Variants in TYW1B observed in about 807,000 individuals in gnomAD.
TYW1B encodes S-adenosyl-L-methionine-dependent tRNA 4-demethylwyosine synthase TYW1B.
In TYW1B, 73 loss-of-function variants were observed where a neutral mutation model predicts 86.9. The observed-to-expected ratio is 0.84, with a 90% CI of 0.70 to 1.02. The LOEUF (loss-of-function observed/expected upper bound fraction) is 1.02, where lower values mean the gene tolerates loss of function less well. TYW1B is among the 50% of genes least tolerant of loss of function. The pLI is 0.00. For missense variants in TYW1B, 637 were observed against 827.4 expected (o/e 0.77, Z 2.82); for synonymous variants, 248 against 292.8 (o/e 0.85, Z 1.56).
intron 8 of TYW1B, among the ~76,000 whole-genome samples, chr7:72,733,774 T>C (rs1160065427): frequency 2.0e-5 from 3 of 152,108 alleles, no homozygotes; most frequent in Non-Finnish European, 4.4e-5. Context: ...GAAGAATAAA[T>C]ATAGTTAAAG....
intron 8 of TYW1B, among the ~76,000 whole-genome samples, chr7:72,735,966 T>C (rs1417912766): frequency 6.6e-6 from 1 of 152,148 alleles, no homozygotes; most frequent in Non-Finnish European, 1.5e-5. Context: ...TTGTTAGAAA[T>C]GCTTGCTCCC....
At chr7:72,731,405 A>AC (rs1186644171) in intron 8 of TYW1B, among the ~76,000 whole-genome samples, 1 of 150,450 alleles carries the variant, frequency 6.6e-6, no homozygotes, top group Admixed American at 6.6e-5. Flanking sequence ...AAAAAAAAAA[A>AC]AAAAAAAAAA....
rs574970301 is a variant in TYW1B, at chr7:72,796,916, G to A, written c.846+5484C>T. Among the ~76,000 whole-genome samples the A allele has an allele frequency of 6.1e-5, 9 of 147,430 alleles. No individual in the cohort carries two copies. The South Asian group carries it at 6.6e-4, about 11-fold the overall frequency. Reference sequence around the variant, plus strand: ...ACCTCCTGGGTCAAGCGATTCTCCCGCCTCAGCCTCCTGAGTAGCTGGGAT... The same window carrying A: ...ACCTCCTGGGTCAAGCGATTCTCCCACCTCAGCCTCCTGAGTAGCTGGGAT... On this transcript the variant is annotated intron_variant, in intron 6 of 13. Transcript: ENST00000620995.
intron 11 of TYW1B, among the ~76,000 whole-genome samples, chr7:72,680,272 G>A (rs1813836573): frequency 2.0e-5 from 3 of 152,092 alleles, no homozygotes; most frequent in Admixed American, 2.0e-4. Context: ...ATCTGGGTGG[G>A]CACCATCTAA....
intron 1 of TYW1B, among the ~76,000 whole-genome samples, chr7:72,827,860 T>C (rs1244716572): frequency 1.4e-4 from 22 of 152,146 alleles, no homozygotes; most frequent in Non-Finnish European, 2.8e-4. Flanking sequence ...GGAGGGGTAG[T>C]TTTCTGTCTA....
At chr7:72,678,247 T>C (rs1485567278) in intron 11 of TYW1B, among the ~76,000 whole-genome samples, 1 of 152,044 alleles carries the variant, frequency 6.6e-6, no homozygotes, top group African/African-American at 2.4e-5. Flanking sequence ...GATGCTGCTA[T>C]GGAAAAAAAC....
chr7:72,729,758 C>T, intron 8 of TYW1B, among the ~76,000 whole-genome samples: 1 of 152,132 alleles, frequency 6.6e-6, no homozygotes, highest in Non-Finnish European at 1.5e-5. Flanking sequence ...ACAGGCCCCT[C>T]AAGGCCCAAG....
intron 12 of TYW1B, among the ~76,000 whole-genome samples, chr7:72,619,415 G>A (rs1451037582): frequency 6.6e-6 from 1 of 152,100 alleles, no homozygotes; most frequent in Non-Finnish European, 1.5e-5. Flanking sequence ...GCCGAGGCGG[G>A]TGGATCATGA....
At chr7:72,631,277 C>A (rs1368321951) in intron 11 of TYW1B, among the ~76,000 whole-genome samples, 2 of 152,134 alleles carry the variant, frequency 1.3e-5, no homozygotes, top group Non-Finnish European at 2.9e-5. Context: ...CTTTGGGAGG[C>A]CGAAGTGGGT....
In TYW1B at chr7:72,777,455, T is replaced by C. The variant is rs373122167; in HGVS notation, c.925A>G (p.Met309Val). 715 of 1,614,148 alleles carry C rather than the reference T, an allele frequency of 4.4e-4. 4 individuals are homozygous for C. In the African/African-American group the frequency reaches 6.1e-3, roughly 14 times the overall value. The change falls in exon 7 of 14, where the codon ATG becomes GTG. Residue 309 changes from methionine (M) to valine (V), a missense_variant. Coordinates refer to ENST00000620995, the MANE Select transcript of TYW1B (RefSeq NM_001145440.3). Reference protein sequence around the residue: ...GRNEDGERRAMITPALREALT... With the variant: ...GRNEDGERRAVITPALREALT... ...GCTTCTCGGAGAGCAGGAGTTATCA[T>C]AGCTCTTCTTTCACCATCTTCATTC... is the stretch of plus-strand genomic sequence containing the variant.
chr7:72,810,741 A>C, intron 3 of TYW1B, 76 bp from the exon 4 acceptor site: 2 of 1,507,296 alleles, frequency 1.3e-6, no homozygotes, highest in Non-Finnish European at 1.8e-6. Context: ...CTTTGAAAAA[A>C]AGCATACTCA....
At chr7:72,810,124 A>G (rs1222098395) in intron 4 of TYW1B, among the ~76,000 whole-genome samples, 5 of 151,654 alleles carry the variant, frequency 3.3e-5, no homozygotes, top group Non-Finnish European at 4.4e-5. Context: ...GTAAAAATAC[A>G]AAAATTGGCC....
intron 12 of TYW1B, among the ~76,000 whole-genome samples, chr7:72,622,108 T>TA (rs112739717): frequency 0.039 from 5,942 of 152,118 alleles, 254 homozygotes; most frequent in African/African-American, 0.13. Context: ...TGGATTGTGT[T>TA]ACAAAAGTTT....
chr7:72,635,508 T>C, intron 11 of TYW1B, among the ~76,000 whole-genome samples: 1 of 152,076 alleles, frequency 6.6e-6, no homozygotes, highest in Admixed American at 6.6e-5. Flanking sequence ...CACGGGACAG[T>C]CTCCCCAACC....
intron 11 of TYW1B, among the ~76,000 whole-genome samples, chr7:72,649,779 A>G (rs1232092102): frequency 2.0e-5 from 3 of 152,206 alleles, no homozygotes; most frequent in African/African-American, 7.2e-5. Flanking sequence ...TTTCTCCAGA[A>G]ATATTACTTG....
intron 4 of TYW1B, among the ~76,000 whole-genome samples, chr7:72,809,849 A>C (rs1470532161): frequency 6.6e-6 from 1 of 151,044 alleles, no homozygotes; most frequent in Non-Finnish European, 1.5e-5. Context: ...AATACAAAAA[A>C]ATTAGCCAGG....
intron 11 of TYW1B, among the ~76,000 whole-genome samples, chr7:72,670,284 A>C: frequency 6.6e-6 from 1 of 152,174 alleles, no homozygotes; most frequent in Non-Finnish European, 1.5e-5. Context: ...CTCCGCCTCC[A>C]AGGTTCAAGC....
chr7:72,753,901 T>C (rs544725058), intron 7 of TYW1B, among the ~76,000 whole-genome samples: 377 of 152,308 alleles, frequency 2.5e-3, no homozygotes, highest in Non-Finnish European at 3.9e-3. Context: ...AACATGACTT[T>C]TATAGGCAAT....
chr7:72,665,421 T>C (rs1474753077), intron 11 of TYW1B, among the ~76,000 whole-genome samples: 1 of 152,228 alleles, frequency 6.6e-6, no homozygotes, highest in Non-Finnish European at 1.5e-5. Flanking sequence ...ATCAGGCTTC[T>C]GTGACATTAG....
Sources: gnomAD v4.1 joint callset for allele counts (sites outside exome capture counted in the v4.1 genomes callset) on GRCh38, gnomAD v4.1.1 for gene constraint, MANE v1.5 for transcripts, NCBI Gene and HGNC (gene_info 2026-07-23, HGNC 2026-07-21) for gene names.